The following CDH20 variants were observed in gnomAD, a reference collection of about 807,000 sequenced individuals.
The protein encoded by CDH20 is cadherin 20, also known as cadherin-20.
A neutral mutation model predicts 74.2 loss-of-function variants in CDH20; 29 were observed. That is an observed-to-expected ratio of 0.39 (90% CI 0.29 to 0.53). CDH20 has a LOEUF of 0.53. Among genes scored for constraint, CDH20 ranks in the 20% least tolerant of loss-of-function variants. The probability of loss-of-function intolerance (pLI) is 0.69; values close to 1 mark genes in which losing one functional copy is unlikely to be tolerated. For synonymous variants in CDH20, 469 were observed against 405.4 expected, an observed-to-expected ratio of 1.16 and a Z score of -1.88; for missense variants, 988 against 1,048.3, an observed-to-expected ratio of 0.94 and a Z score of 0.79.
intron 1 of CDH20, among the ~76,000 whole-genome samples, chr18:61,383,215 G>C (rs1047643668): frequency 6.6e-6 from 1 of 152,112 alleles, no homozygotes; most frequent in South Asian, 2.1e-4. Flanking sequence ...ACCATCAAAA[G>C]TTCAATTATG....
chr18:61,345,606 G>A (rs1185642622), intron 1 of CDH20, among the ~76,000 whole-genome samples: 1 of 152,080 alleles, frequency 6.6e-6, no homozygotes, highest in Non-Finnish European at 1.5e-5. Context: ...TTTGTGAAGT[G>A]GAATGGAGAT....
At chr18:61,456,067 C>A (rs1192751557) in intron 1 of CDH20, among the ~76,000 whole-genome samples, 1 of 152,182 alleles carries the variant, frequency 6.6e-6, no homozygotes, top group African/African-American at 2.4e-5. Flanking sequence ...ATAACCCTAT[C>A]ATTTAACAAG....
At chr18:61,423,318 T>C (rs1421721463) in intron 1 of CDH20, among the ~76,000 whole-genome samples, 3 of 152,176 alleles carry the variant, frequency 2.0e-5, no homozygotes, top group Non-Finnish European at 4.4e-5. Context: ...CACTCAGTGT[T>C]ATAGAGACAC....
At chr18:61,374,227 G>A (rs1239802588) in intron 1 of CDH20, among the ~76,000 whole-genome samples, 1 of 152,006 alleles carries the variant, frequency 6.6e-6, no homozygotes, top group Non-Finnish European at 1.5e-5. Flanking sequence ...CGCCTTAATT[G>A]AGTTGTCTTG....
chr18:61,375,253 A>G (rs894480740), intron 1 of CDH20, among the ~76,000 whole-genome samples: 1 of 152,160 alleles, frequency 6.6e-6, no homozygotes, highest in African/African-American at 2.4e-5. Flanking sequence ...CTGATAGTTC[A>G]TAATTGAAGT....
At chr18:61,439,229 T>C (rs993169290) in intron 1 of CDH20, among the ~76,000 whole-genome samples, 3 of 152,120 alleles carry the variant, frequency 2.0e-5, no homozygotes, top group African/African-American at 4.8e-5. Context: ...AAGAAACCCA[T>C]GCATGTATAC....
In CDH20 at chr18:61,555,726, A is replaced by G; in HGVS notation, c.*1031A>G. On this transcript the variant is annotated 3_prime_UTR_variant, in exon 12 of 12. Transcript: ENST00000262717. ...ATAATTTTGGTAATAAATATGATGT[A>G]CTGCATCTCAGTACCTTAGCACTTC... 1.0e-6 allele frequency: 1 copy of G among 959,358 alleles called. No homozygotes were observed. Among genetic ancestry groups the G allele is most frequent in the Admixed American group, 6.2e-5 (1 of 16,252 alleles). 59.4% of individuals were successfully genotyped at this position (959,358 alleles called of 1,614,324 possible). A position where few individuals can be genotyped will look rare whatever the true frequency, so the allele number is the denominator to read the frequency against.
chr18:61,374,199 T>C (rs1408640181), intron 1 of CDH20, among the ~76,000 whole-genome samples: 2 of 152,078 alleles, frequency 1.3e-5, no homozygotes, highest in Non-Finnish European at 1.5e-5. Context: ...ACATAACTCT[T>C]AACACCTCCG....
At chr18:61,351,544 C>T (rs149380388) in intron 1 of CDH20, among the ~76,000 whole-genome samples, 3 of 151,992 alleles carry the variant, frequency 2.0e-5, no homozygotes, top group African/African-American at 7.2e-5. Context: ...AGGAAACACA[C>T]AATAAATGGT....
In CDH20 at chr18:61,353,649, C is replaced by T. The variant is rs1016858220; in HGVS notation, c.-153+19822C>T. ...ATGGACCCTCAAATGTAACGGACCA[C>T]CACCTATCAAATGCCCTTCGACCAA... On this transcript the variant is annotated intron_variant, in intron 1 of 11. Transcript: ENST00000262717. This position sits in a 1 kb window ranked among gnomAD's most constrained non-coding sequence, Gnocchi z 4.6. Among the ~76,000 whole-genome samples, 1 of 152,182 alleles carries T rather than the reference C, an allele frequency of 6.6e-6. No individual in the cohort carries two copies. Among genetic ancestry groups the T allele is most frequent in the Non-Finnish European group, 1.5e-5 (1 of 68,042 alleles).
chr18:61,531,147 T>C (rs922005755), intron 7 of CDH20, among the ~76,000 whole-genome samples: 15 of 152,244 alleles, frequency 9.9e-5, no homozygotes, highest in Admixed American at 9.8e-4. Flanking sequence ...AGGCTATTAT[T>C]CCCTCAATTC....
At chr18:61,365,226 T>C (rs1910819372) in intron 1 of CDH20, among the ~76,000 whole-genome samples, 1 of 152,222 alleles carries the variant, frequency 6.6e-6, no homozygotes, top group Non-Finnish European at 1.5e-5. Context: ...TACTGCAGCA[T>C]CTTGGAAAGG....
chr18:61,526,280 C>T (rs1249116223), intron 6 of CDH20, among the ~76,000 whole-genome samples: 1 of 151,840 alleles, frequency 6.6e-6, no homozygotes, highest in Non-Finnish European at 1.5e-5. Context: ...AGGCATGTGC[C>T]ACCACACCCA....
At chr18:61,509,098 A>G (rs934293532) in intron 6 of CDH20, among the ~76,000 whole-genome samples, 5 of 152,224 alleles carry the variant, frequency 3.3e-5, no homozygotes, top group Non-Finnish European at 7.3e-5. Context: ...GGGGCAAGGG[A>G]TAAAAGACTA....
At chr18:61,404,516 A>G (rs1912260376) in intron 1 of CDH20, among the ~76,000 whole-genome samples, 1 of 151,990 alleles carries the variant, frequency 6.6e-6, no homozygotes, top group Admixed American at 6.6e-5. Context: ...ATCTGTAGGG[A>G]GCAATGAAAT....
Position 61,550,165 on chromosome 18 carries a change from G to C in CDH20, c.1836G>C (p.Met612Ile), listed in dbSNP as rs749853937. The C allele has an allele frequency of 6.2e-6, 10 of 1,614,120 alleles. No homozygotes were observed. The highest frequency in any genetic ancestry group is 1.7e-6 in the Non-Finnish European group (2 of 1,180,042). The change falls in exon 11 of 12, where the codon ATG becomes ATC. Residue 612 changes from methionine to isoleucine, a missense_variant. Coordinates refer to ENST00000262717, the MANE Select transcript of CDH20 (RefSeq NM_031891.4). ...TGTCCTGCAGCCCAGAGGCCTACATGCTCCCAGTCAGTTTGAGCCGGGGCG... is the reference window on the plus strand; with the variant it reads ...TGTCCTGCAGCCCAGAGGCCTACATCCTCCCAGTCAGTTTGAGCCGGGGCG... ...HVMSCSPEAYMLPVSLSRGAL... is the reference protein window; with the variant it reads ...HVMSCSPEAYILPVSLSRGAL...
In CDH20 at chr18:61,502,959, T is replaced by C; in HGVS notation, c.668T>C (p.Ile223Thr). 1.2e-6 allele frequency: 2 copies of C among 1,604,936 alleles called. No individual in the cohort carries two copies. The highest frequency in any genetic ancestry group is 1.7e-6 in the Non-Finnish European group (2 of 1,176,990). The change falls in exon 5 of 12, where the codon ATT becomes ACT. Residue 223 changes from isoleucine (I) to threonine (T), a missense_variant. By Grantham distance (89) the Ile-to-Thr change is moderately conservative. Coordinates refer to ENST00000262717, the MANE Select transcript of CDH20 (RefSeq NM_031891.4). Reference sequence around the variant, plus strand: ...AGTCATTTCTATCCTCCAGGTGTAATTAGGACAGCGCTCATGAACATGGAC... The same window carrying C: ...AGTCATTTCTATCCTCCAGGTGTAACTAGGACAGCGCTCATGAACATGGAC... ...YFSVDSKTGV[I>T]RTALMNMDRE...
At position 61,490,621 on chromosome 18, in the gene CDH20, G is replaced by T; in HGVS notation, c.68G>T (p.Trp23Leu). 8.1e-6 allele frequency: 13 copies of T among 1,614,068 alleles called. No individual in the cohort carries two copies. The highest frequency in any genetic ancestry group is 1.0e-5 in the Non-Finnish European group (12 of 1,179,978). The change falls in exon 2 of 12, where the codon TGG becomes TTG. Residue 23 changes from tryptophan to leucine, a missense_variant. This residue lies in a region of CDH20 where 613 missense variants were observed against 755.2 expected (regional missense o/e 0.81). Transcript: ENST00000262717. ...GGACTTGGCATGTCCTTGTACTTCT[G>T]GGGGCTGATGGACCTTACGACCACC... ...WLGLGMSLYF[W>L]GLMDLTTTVL...
chr18:61,345,513 C>T (rs188663875), intron 1 of CDH20, among the ~76,000 whole-genome samples: 94 of 152,160 alleles, frequency 6.2e-4, no homozygotes, highest in Non-Finnish European at 1.2e-3. Flanking sequence ...ATAACTGCCT[C>T]GATGAACCCC....
Sources: gnomAD v4.1 joint callset for allele counts (sites outside exome capture counted in the v4.1 genomes callset) on GRCh38, gnomAD v4.1.1 for gene constraint, gnomAD v4.1.1 regional missense constraint, Gnocchi (gnomAD v3.1) non-coding constraint, MANE v1.5 for transcripts, NCBI Gene and HGNC (gene_info 2026-07-23, HGNC 2026-07-21) for gene names.